DBH: variants seen among roughly 807,000 people sequenced by gnomAD.
The protein encoded by DBH is dopamine beta-hydroxylase (dopamine beta-monooxygenase).
DBH carries 49 observed loss-of-function variants against 64.0 expected under a neutral mutation model. That is an observed-to-expected ratio of 0.77 (90% CI 0.61 to 0.97). The LOEUF is 0.97. Ranked by LOEUF, DBH falls within the 50% of genes least tolerant of loss-of-function variation. The pLI is 0.00. For synonymous variants in DBH, 343 were observed against 347.1 expected (o/e 0.99, Z 0.13); for missense variants, 828 against 826.6 (o/e 1.00, Z -0.02).
intron 1 of DBH, among the ~76,000 whole-genome samples, chr9:133,638,664 G>A (rs1430156697): frequency 6.6e-6 from 1 of 152,182 alleles, no homozygotes; most frequent in Non-Finnish European, 1.5e-5. Flanking sequence ...CTTGGTGTGG[G>A]TCGGAATGTT....
intron 2 of DBH, among the ~76,000 whole-genome samples, 183 bp downstream of exon 2, chr9:133,640,175 TG>T (rs533972553): frequency 6.6e-6 from 1 of 152,228 alleles, no homozygotes; most frequent in Non-Finnish European, 1.5e-5. Context: ...GCACTTAGGA[TG>T]GTCCAGCTCT....
intron 10 of DBH, 95 bp downstream of exon 10, chr9:133,656,745 C>G: frequency 6.7e-7 from 1 of 1,489,664 alleles, no homozygotes; most frequent in Non-Finnish European, 9.2e-7. Context: ...GGAGTCCAGG[C>G]TAAGTTCTAG....
intron 2 of DBH, among the ~76,000 whole-genome samples, chr9:133,641,119 G>C (rs963717989): frequency 6.6e-6 from 1 of 152,324 alleles, no homozygotes; most frequent in Middle Eastern, 3.4e-3. Context: ...GGAAGGGCAG[G>C]TGTAAACAAC....
rs769490702 is a variant in DBH, at chr9:133,657,181, C to T, written c.1674C>T (p.Phe558=). ...ACGTACTGAAGGCCCTGTACAGCTTCGCGCCCATCTCCATGCACTGCAACA... is the reference window on the plus strand; with the variant it reads ...ACGTACTGAAGGCCCTGTACAGCTTTGCGCCCATCTCCATGCACTGCAACA... ...NRDVLKALYS[F]APISMHCNKS... The change falls in exon 11 of 12, where the codon TTC becomes TTT. Residue 558 remains phenylalanine (F), a synonymous_variant. Transcript: ENST00000393056. 15 of 1,614,018 alleles carry T rather than the reference C, an allele frequency of 9.3e-6. No individual in the cohort carries two copies. The highest frequency in any genetic ancestry group is 1.6e-4 in the Middle Eastern group (1 of 6,084).
chr9:133,648,152 T>C, intron 6 of DBH, 140 bp downstream of exon 6: 1 of 1,011,088 alleles, frequency 9.9e-7, no homozygotes, highest in Non-Finnish European at 1.5e-6. Flanking sequence ...GTCCTCCCTC[T>C]TTTCTGTATG....
intron 1 of DBH, among the ~76,000 whole-genome samples, chr9:133,639,396 A>C (rs923858944): frequency 6.6e-6 from 1 of 151,094 alleles, no homozygotes; most frequent in Non-Finnish European, 1.5e-5. Flanking sequence ...CCTGTTCCCA[A>C]CTCTCCCCTT....
Position 133,658,896 on chromosome 9 carries a change from T to G in DBH, c.*449T>G. ...GCGGGTGCGGGTGCCGCTTAAACAT[T>G]TCCCTGCTGAGTGGCTCGTGTTTCA... On this transcript the variant is annotated 3_prime_UTR_variant, in exon 12 of 12. Transcript: ENST00000393056. 6.5e-6 allele frequency: 1 copy of G among 153,180 alleles called. No individual in the cohort carries two copies. Among genetic ancestry groups the G allele is most frequent in the Non-Finnish European group, 1.5e-5 (1 of 68,696 alleles). The allele number at this position is 153,180 out of a possible 1,614,324, so 9.5% of individuals were successfully genotyped here.
intron 1 of DBH, among the ~76,000 whole-genome samples, chr9:133,637,768 C>T (rs997629906): frequency 6.6e-6 from 1 of 152,144 alleles, no homozygotes; most frequent in Non-Finnish European, 1.5e-5. Context: ...ATTCCCAAGA[C>T]TCGGCCAGGA....
intron 1 of DBH, among the ~76,000 whole-genome samples, chr9:133,637,298 C>G (rs1229051501): frequency 6.6e-6 from 1 of 152,248 alleles, no homozygotes; most frequent in Admixed American, 6.5e-5. Context: ...GCTCTTGACT[C>G]CTTTCCGTCC....
At chr9:133,655,065 G>T (rs955232906) in intron 9 of DBH, 2 of 152,370 alleles carry the variant, frequency 1.3e-5, no homozygotes, top group Non-Finnish European at 2.9e-5. Context: ...CAGGCCTGGT[G>T]AGCACCGCGG....
Position 133,648,012 on chromosome 9 carries a change from G to T in DBH, c.1191G>T (p.Leu397=). Residue 397 remains leucine, a splice_region_variant and synonymous_variant, in exon 6 of 12, where the codon CTG becomes CTT. Coordinates refer to ENST00000393056, the MANE Select transcript of DBH (RefSeq NM_000787.4). The stretch of plus-strand genomic sequence containing the variant: ...ACTGCACGGACAAGTGCACCCAGCT[G>T]GTGAGTGGGGCTGGGCCCGGCACTG... The part of the protein sequence containing the change: ...TGYCTDKCTQ[L]ALPPSGIHIF... 1 of 1,611,194 alleles carries T rather than the reference G, an allele frequency of 6.2e-7. No individual in the cohort carries two copies. Among genetic ancestry groups the T allele is most frequent in the East Asian group, 2.2e-5 (1 of 44,802 alleles).
chr9:133,657,930 A>C (rs372185493), intron 11 of DBH, among the ~76,000 whole-genome samples: 13 of 152,310 alleles, frequency 8.5e-5, no homozygotes, highest in African/African-American at 2.6e-4. Context: ...CTTGCTGAGA[A>C]TAGTGTGGGG....
chr9:133,636,398 C>A lies in DBH; in HGVS notation c.27C>A (p.Ser9Arg). Residue 9 changes from serine (S) to arginine (R), a missense_variant, in exon 1 of 12, where the codon AGC becomes AGA. Ser to Arg is a moderately radical substitution (Grantham distance 110, BLOSUM62 -1). Transcript: ENST00000393056. MPALSRWA[S>R]LPGPSMREAA... ...TGCCCGCCCTCAGTCGCTGGGCCAG[C>A]CTGCCCGGCCCCAGCATGCGGGAGG... is the stretch of plus-strand genomic sequence containing the variant. The A allele has an allele frequency of 1.2e-6, 2 of 1,611,128 alleles. No individual in the cohort carries two copies. The highest frequency in any genetic ancestry group is 2.2e-5 in the East Asian group (1 of 44,878).
In DBH at chr9:133,636,693, G is replaced by A; in HGVS notation, c.322G>A (p.Asp108Asn). 6.2e-7 allele frequency: 1 copy of A among 1,603,956 alleles called. No individual in the cohort carries two copies. ...ADLVVLWTDGDTAYFADAWSD... is the reference protein window; with the variant it reads ...ADLVVLWTDGNTAYFADAWSD... The stretch of plus-strand genomic sequence containing the variant: ...TCTCGTGGTGCTCTGGACCGATGGG[G>A]ACACTGCCTATTTTGCGGTGAGTCT... The change falls in exon 1 of 12, where the codon GAC becomes AAC. Residue 108 changes from aspartate (D) to asparagine (N), a missense_variant. Physicochemically the swap from Asp to Asn is conservative, Grantham distance 23. Coordinates refer to ENST00000393056, the MANE Select transcript of DBH (RefSeq NM_000787.4).
At chr9:133,641,587 C>T (rs866941420) in intron 2 of DBH, among the ~76,000 whole-genome samples, 17 of 152,348 alleles carry the variant, frequency 1.1e-4, no homozygotes, top group South Asian at 4.1e-4. Flanking sequence ...TTTCCACACC[C>T]GATCCCCGTT....
intron 5 of DBH, among the ~76,000 whole-genome samples, chr9:133,644,986 T>C (rs1324816584): frequency 6.6e-6 from 1 of 151,984 alleles, no homozygotes; most frequent in Non-Finnish European, 1.5e-5. Flanking sequence ...TGTACACATA[T>C]GCACGCAGAA....
rs78445536 is a variant in DBH at position 133,636,624 on chromosome 9, G to C, written c.253G>C (p.Val85Leu). 1.2e-6 allele frequency: 2 copies of C among 1,613,310 alleles called. No homozygotes were observed. Among genetic ancestry groups the C allele is most frequent in the African/African-American group, 1.3e-5 (1 of 74,932 alleles). ...QLLVRRLKAG[V>L]LFGMSDRGEL... is the part of the protein sequence containing the mutation. ...CCTGGTGCGGAGGCTCAAGGCTGGC[G>C]TCCTGTTTGGGATGTCCGACCGTGG... Residue 85 changes from valine (V) to leucine (L), a missense_variant, in exon 1 of 12, where the codon GTC becomes CTC. By Grantham distance (32) the Val-to-Leu change is conservative (BLOSUM62 1). Transcript: ENST00000393056.
intron 4 of DBH, among the ~76,000 whole-genome samples, 174 bp from the exon 5 acceptor site, chr9:133,644,044 T>C (rs577495178): frequency 1.2e-4 from 18 of 152,258 alleles, no homozygotes; most frequent in Admixed American, 1.0e-3. Flanking sequence ...TCTCACAGGA[T>C]GTTCCTGGGG....
intron 1 of DBH, among the ~76,000 whole-genome samples, chr9:133,639,540 G>A (rs1004834651): frequency 1.3e-5 from 2 of 152,186 alleles, no homozygotes; most frequent in Admixed American, 1.3e-4. Context: ...CGCCAGGCCC[G>A]GGAATGCCCA....
Sources: allele counts gnomAD v4.1 joint callset (sites outside exome capture counted in the v4.1 genomes callset), GRCh38; gene constraint gnomAD v4.1.1; transcripts MANE v1.5; gene names NCBI Gene and HGNC (gene_info 2026-07-23, HGNC 2026-07-21).